Variants in PRKCA observed in about 807,000 individuals in gnomAD.
PRKCA encodes the protein protein kinase C alpha type.
A neutral mutation model predicts 87.0 loss-of-function variants in PRKCA; 27 were observed. The ratio of observed to expected loss-of-function variants is 0.31; its 90% CI spans 0.23 to 0.43. The LOEUF is 0.43. PRKCA is among the 20% of genes least tolerant of loss of function. PRKCA has a pLI of 1.00. For synonymous variants in PRKCA, 329 were observed against 311.1 expected (o/e 1.06, Z -0.61); for missense variants, 518 against 852.3 (o/e 0.61, Z 4.88).
intron 2 of PRKCA, among the ~76,000 whole-genome samples, chr17:66,423,955 G>C (rs1483028006): frequency 6.6e-6 from 1 of 152,044 alleles, no homozygotes; most frequent in African/African-American, 2.4e-5. Flanking sequence ...AGTTTTTTAA[G>C]AGCATAAAAA....
chr17:66,559,624 T>A (rs1968622145), intron 3 of PRKCA, among the ~76,000 whole-genome samples: 1 of 151,188 alleles, frequency 6.6e-6, no homozygotes, highest in Non-Finnish European at 1.5e-5. Flanking sequence ...TAAGGCAAAT[T>A]TTTTTTTTAA....
At chr17:66,359,833 A>G (rs959371140) in intron 2 of PRKCA, among the ~76,000 whole-genome samples, 1 of 152,234 alleles carries the variant, frequency 6.6e-6, no homozygotes, top group African/African-American at 2.4e-5. Flanking sequence ...ACAAAAGCTC[A>G]AAGTACCTTA....
At chr17:66,358,026 A>C (rs914651420) in intron 2 of PRKCA, among the ~76,000 whole-genome samples, 2 of 152,184 alleles carry the variant, frequency 1.3e-5, no homozygotes, top group African/African-American at 4.8e-5. Context: ...TTATAATAGA[A>C]TTGCCTTTTG....
chr17:66,774,785 A>G, intron 14 of PRKCA: 2 of 985,414 alleles, frequency 2.0e-6, no homozygotes, highest in Non-Finnish European at 2.4e-6. Context: ...GAAGACAGTT[A>G]CCTTGAAGAA....
chr17:66,320,319 G>A (rs1905578587), intron 2 of PRKCA, among the ~76,000 whole-genome samples: 1 of 151,696 alleles, frequency 6.6e-6, no homozygotes, highest in African/African-American at 2.4e-5. Flanking sequence ...CTTGTACTCT[G>A]TAGTCTTGAC....
At chr17:66,330,469 T>G (rs1357823215) in intron 2 of PRKCA, among the ~76,000 whole-genome samples, 1 of 152,196 alleles carries the variant, frequency 6.6e-6, no homozygotes, top group Non-Finnish European at 1.5e-5. Context: ...CCCCCTTTCC[T>G]TTATTTACTT....
At chr17:66,621,593 A>C (rs1305967601) in intron 3 of PRKCA, among the ~76,000 whole-genome samples, 1 of 152,176 alleles carries the variant, frequency 6.6e-6, no homozygotes, top group African/African-American at 2.4e-5. Flanking sequence ...TGGTTCTTGT[A>C]GTGGGAGTTA....
chr17:66,475,579 C>A (rs1446520506), intron 2 of PRKCA, among the ~76,000 whole-genome samples: 1 of 152,144 alleles, frequency 6.6e-6, no homozygotes, highest in Non-Finnish European at 1.5e-5. Flanking sequence ...AGACATTTGC[C>A]TTGTGTGAGT....
intron 3 of PRKCA, among the ~76,000 whole-genome samples, chr17:66,514,340 A>G (rs947334911): frequency 6.6e-6 from 1 of 152,118 alleles, no homozygotes; most frequent in Non-Finnish European, 1.5e-5. Flanking sequence ...ACCTCCCAGA[A>G]TGCTACATGA....
intron 3 of PRKCA, among the ~76,000 whole-genome samples, chr17:66,594,105 A>C (rs1380883673): frequency 1.3e-5 from 2 of 152,340 alleles, no homozygotes; most frequent in Non-Finnish European, 2.9e-5. Context: ...GAGTAAATCT[A>C]TCCCACATTG....
chr17:66,781,887 A>ATATATATATATATATATATATATATAGT (rs767300220), intron 14 of PRKCA, among the ~76,000 whole-genome samples: 3 of 125,548 alleles, frequency 2.4e-5, no homozygotes, highest in African/African-American at 9.5e-5. Flanking sequence ...ATATATATAT[A>ATATATATATATATATATATATATATAGT]GTGTGTGTGT....
intron 2 of PRKCA, among the ~76,000 whole-genome samples, chr17:66,316,826 TAAAG>T: frequency 6.6e-6 from 1 of 151,240 alleles, no homozygotes; most frequent in Non-Finnish European, 1.5e-5. Flanking sequence ...AAGGGAAAAA[TAAAG>T]AACTAAAATA....
intron 3 of PRKCA, among the ~76,000 whole-genome samples, chr17:66,569,026 C>A (rs1457103293): frequency 1.3e-5 from 2 of 151,938 alleles, no homozygotes; most frequent in Admixed American, 6.6e-5. Flanking sequence ...ACACCCTACA[C>A]AAAAACCAAT....
intron 2 of PRKCA, among the ~76,000 whole-genome samples, chr17:66,380,810 A>G (rs7208241): frequency 0.012 from 1,753 of 152,324 alleles, 32 homozygotes; most frequent in African/African-American, 0.04. Flanking sequence ...AGTTTAACCA[A>G]TGAAATGATG....
At chr17:66,687,965 A>G (rs1972673101) in intron 6 of PRKCA, among the ~76,000 whole-genome samples, 1 of 152,186 alleles carries the variant, frequency 6.6e-6, no homozygotes, top group Non-Finnish European at 1.5e-5. Context: ...ATCAGATAGT[A>G]TATATTTTAG....
In PRKCA at chr17:66,738,756, G is replaced by C. The variant is rs1974094416; in HGVS notation, c.1231-8G>C. On this transcript the variant is annotated splice_polypyrimidine_tract_variant and splice_region_variant and intron_variant, in intron 10 of 16. Coordinates refer to ENST00000413366, the MANE Select transcript of PRKCA (RefSeq NM_002737.3). ...AGCCCTGCTCATGTGTTGAACCTTG[G>C]TCTGCAGGATCGGCTGTACTTCGTC... 3 of 1,613,148 alleles carry C rather than the reference G, an allele frequency of 1.9e-6. No homozygotes were observed. In the South Asian group the frequency reaches 3.3e-5, roughly 18 times the overall value.
intron 5 of PRKCA, among the ~76,000 whole-genome samples, chr17:66,654,312 G>A (rs1276403539): frequency 6.6e-6 from 1 of 152,194 alleles, no homozygotes; most frequent in Non-Finnish European, 1.5e-5. Flanking sequence ...GATCCTGTGA[G>A]AAGAGAAACC....
At chr17:66,628,922 G>A (rs1195668716) in intron 3 of PRKCA, among the ~76,000 whole-genome samples, 10 of 152,190 alleles carry the variant, frequency 6.6e-5, no homozygotes, top group East Asian at 1.9e-4. Context: ...CCAGCTACTC[G>A]GGAGGCTGAG....
At chr17:66,439,326 G>A (rs1290309965) in intron 2 of PRKCA, among the ~76,000 whole-genome samples, 6 of 152,006 alleles carry the variant, frequency 3.9e-5, no homozygotes, top group African/African-American at 1.2e-4. Context: ...GACTACAGGT[G>A]TGCACCACCA....
Sources: allele counts gnomAD v4.1 joint callset (sites outside exome capture counted in the v4.1 genomes callset), GRCh38; gene constraint gnomAD v4.1.1; transcripts MANE v1.5; gene names NCBI Gene and HGNC (gene_info 2026-07-23, HGNC 2026-07-21).